MTREX: variants seen among roughly 807,000 people sequenced by gnomAD.
MTREX encodes the protein Mtr4 exosome RNA helicase, also known as exosome RNA helicase MTR4.
MTREX carries 76 observed loss-of-function variants against 135.4 expected under a neutral mutation model. That is an observed-to-expected ratio of 0.56 (90% CI 0.47 to 0.68). The LOEUF (loss-of-function observed/expected upper bound fraction) is 0.68. Among genes scored for constraint, MTREX ranks in the 30% least tolerant of loss-of-function variants. MTREX has a pLI of 0.00. For missense variants in MTREX, 920 were observed against 1,262.1 expected (o/e 0.73, Z 4.11); for synonymous variants, 404 against 401.6 (o/e 1.01, Z -0.07).
chr5:55,366,718 C>G lies in MTREX; in HGVS notation c.1660-7C>G, dbSNP rs1273366104. ...ACTACAAAATTGACATTTTTTTTCT[C>G]TCTTAGGGCTCCGCTGATCCTCTAA... On this transcript the variant is annotated splice_region_variant and splice_polypyrimidine_tract_variant and intron_variant, in intron 15 of 26. Coordinates refer to ENST00000230640, the MANE Select transcript of MTREX (RefSeq NM_015360.5). 2 of 1,553,718 alleles carry G rather than the reference C, an allele frequency of 1.3e-6. No individual in the cohort carries two copies. Among genetic ancestry groups the G allele is most frequent in the Admixed American group, 2.0e-5 (1 of 50,102 alleles).
At chr5:55,410,821 T>G (rs1750875232) in intron 23 of MTREX, among the ~76,000 whole-genome samples, 192 bp downstream of exon 23, 1 of 152,188 alleles carries the variant, frequency 6.6e-6, no homozygotes, top group Non-Finnish European at 1.5e-5. Context: ...GAAAGGAGAA[T>G]AAAATAAGAT....
At chr5:55,382,622 GTTTT>G (rs543817592) in intron 18 of MTREX, among the ~76,000 whole-genome samples, 1 of 150,342 alleles carries the variant, frequency 6.7e-6, no homozygotes, top group Non-Finnish European at 1.5e-5. Flanking sequence ...ATCATTTATG[GTTTT>G]TTTTTGTTTT....
intron 3 of MTREX, among the ~76,000 whole-genome samples, chr5:55,326,352 A>G (rs1749377230): frequency 6.6e-6 from 1 of 152,170 alleles, no homozygotes; most frequent in African/African-American, 2.4e-5. Flanking sequence ...GTGAGCTGAG[A>G]TCACGCCACT....
At chr5:55,422,735 A>AG (rs1356461664) in intron 25 of MTREX, 143 bp from the exon 26 acceptor site, 4 of 630,140 alleles carry the variant, frequency 6.3e-6, no homozygotes, top group Non-Finnish European at 1.1e-5. Flanking sequence ...AGCTTTCTCC[A>AG]GTACCTAACC....
intron 21 of MTREX, among the ~76,000 whole-genome samples, chr5:55,404,918 C>T (rs1750778780): frequency 6.6e-6 from 1 of 151,868 alleles, no homozygotes; most frequent in African/African-American, 2.4e-5. Flanking sequence ...ATTCTCCTGC[C>T]TCAGCCTCCT....
intron 1 of MTREX, among the ~76,000 whole-genome samples, chr5:55,314,704 C>T (rs929300058): frequency 2.0e-5 from 3 of 152,172 alleles, no homozygotes; most frequent in Admixed American, 6.5e-5. Flanking sequence ...GTAAATTTGT[C>T]CTATTTTAAG....
At chr5:55,419,786 A>AT (rs1200353109) in intron 25 of MTREX, among the ~76,000 whole-genome samples, 1 of 151,782 alleles carries the variant, frequency 6.6e-6, no homozygotes, top group Admixed American at 6.6e-5. Flanking sequence ...TATGCTTTTT[A>AT]TTTTTTTTCA....
intron 5 of MTREX, among the ~76,000 whole-genome samples, chr5:55,331,990 A>G (rs1439642813): frequency 6.6e-6 from 1 of 152,150 alleles, no homozygotes; most frequent in Admixed American, 6.6e-5. Context: ...TTTAATGTAC[A>G]TTATGTATTA....
rs1391455667 is a variant in MTREX, at chr5:55,418,078, C to CA, written c.2971+1952dup. Among the ~76,000 whole-genome samples, 3 of 151,138 alleles carry CA rather than the reference C, an allele frequency of 2.0e-5. No homozygotes were observed. The East Asian group carries it at 5.9e-4, about 30-fold the overall frequency. On this transcript the variant is annotated intron_variant, in intron 25 of 26. Coordinates refer to ENST00000230640, the MANE Select transcript of MTREX (RefSeq NM_015360.5). ...TGAAACCCCGTCTCTACAAAAAATA[C>CA]AAAAAATTAGCTGGGTGTGGTGGCA...
At chr5:55,349,185 C>CTT (rs369214186) in intron 11 of MTREX, among the ~76,000 whole-genome samples, 14,535 of 128,626 alleles carry the variant, frequency 0.11, 1,073 homozygotes, top group East Asian at 0.25. Context: ...TTTAAAGACT[C>CTT]TTTTTTTTTT....
chr5:55,346,595 G>C (rs1177535553), intron 10 of MTREX, among the ~76,000 whole-genome samples: 2 of 152,100 alleles, frequency 1.3e-5, no homozygotes, highest in Non-Finnish European at 2.9e-5. Context: ...TAATGATGTT[G>C]AACATTTTTT....
At position 55,425,422 on chromosome 5, in the gene MTREX, T is replaced by TAAAC; in HGVS notation, c.*654_*657dup. ...GATCAACAGCATCCTAAGATAAATATAAACAAAAGGATATACTTTGAGGTG... is the reference window on the plus strand; with the variant it reads ...GATCAACAGCATCCTAAGATAAATATAAACAAACAAAAGGATATACTTTGAGGTG... On this transcript the variant is annotated 3_prime_UTR_variant, in exon 27 of 27. Transcript: ENST00000230640. 2 of 1,237,044 alleles carry TAAAC rather than the reference T, an allele frequency of 1.6e-6. No homozygotes were observed. The highest frequency in any genetic ancestry group is 2.3e-6 in the Non-Finnish European group (2 of 887,910). 76.6% of individuals were successfully genotyped at this position (1,237,044 alleles called of 1,614,324 possible).
chr5:55,317,520 G>A (rs78492087), intron 1 of MTREX, among the ~76,000 whole-genome samples: 1 of 152,176 alleles, frequency 6.6e-6, no homozygotes, highest in African/African-American at 2.4e-5. Context: ...ACAAAACGAA[G>A]CAGTGGGGAA....
At chr5:55,354,562 T>A (rs1190745114) in intron 14 of MTREX, among the ~76,000 whole-genome samples, 5 of 152,246 alleles carry the variant, frequency 3.3e-5, no homozygotes, top group Admixed American at 3.3e-4. Flanking sequence ...GAAACATTTT[T>A]CATGATGTGT....
chr5:55,313,386 A>G (rs1749147446), intron 1 of MTREX, among the ~76,000 whole-genome samples: 1 of 152,064 alleles, frequency 6.6e-6, no homozygotes, highest in African/African-American at 2.4e-5. Flanking sequence ...GGCTGCAGGG[A>G]GCTGTGATCA....
intron 5 of MTREX, among the ~76,000 whole-genome samples, chr5:55,336,639 C>T (rs1670902354): frequency 6.6e-6 from 1 of 152,168 alleles, no homozygotes; most frequent in Non-Finnish European, 1.5e-5. Flanking sequence ...AGTTGTCACT[C>T]ATTTTCCAGG....
intron 1 of MTREX, among the ~76,000 whole-genome samples, chr5:55,315,340 A>G (rs111499168): frequency 6.6e-6 from 1 of 152,182 alleles, no homozygotes. Flanking sequence ...AATTTTAATA[A>G]AGTCACGTTT....
chr5:55,332,563 G>A (rs551765435), intron 5 of MTREX, among the ~76,000 whole-genome samples: 57 of 152,274 alleles, frequency 3.7e-4, no homozygotes, highest in Non-Finnish European at 6.5e-4. Context: ...TCATGGTTCT[G>A]GAAGCTGAGA....
intron 11 of MTREX, among the ~76,000 whole-genome samples, chr5:55,349,206 A>C (rs1441303837): frequency 9.1e-6 from 1 of 110,142 alleles, no homozygotes; most frequent in Non-Finnish European, 1.8e-5. Flanking sequence ...TTTTTTTCTG[A>C]GATGGGGTCT....
Sources: allele counts gnomAD v4.1 joint callset (sites outside exome capture counted in the v4.1 genomes callset), GRCh38; gene constraint gnomAD v4.1.1; transcripts MANE v1.5; gene names NCBI Gene and HGNC (gene_info 2026-07-23, HGNC 2026-07-21).